Variants in TSC22D2 observed in about 807,000 individuals in gnomAD.
TSC22D2 encodes the protein TSC22 domain family protein 2.
Under a neutral mutation model 50.1 loss-of-function variants are expected in TSC22D2, and 5 were observed. That is an observed-to-expected ratio of 0.10 (90% CI 0.05 to 0.21). The LOEUF (loss-of-function observed/expected upper bound fraction) is 0.21. Ranked by LOEUF, TSC22D2 falls within the 10% of genes least tolerant of loss-of-function variation. The probability of loss-of-function intolerance (pLI) is 1.00; values close to 1 mark genes in which losing one functional copy is unlikely to be tolerated. For missense variants in TSC22D2, 1,003 were observed against 1,015.5 expected, an observed-to-expected ratio of 0.99 and a Z score of 0.17; for synonymous variants, 501 against 450.1, an observed-to-expected ratio of 1.11 and a Z score of -1.43.
chr3:150,441,609 C>T (rs547883312), intron 1 of TSC22D2, among the ~76,000 whole-genome samples: 16 of 152,178 alleles, frequency 1.1e-4, no homozygotes, highest in Non-Finnish European at 2.2e-4. Flanking sequence ...AAATAATTTG[C>T]TGGGTGTGGT....
chr3:150,411,173 T>C lies in TSC22D2; in HGVS notation c.1823T>C (p.Leu608Pro), dbSNP rs765021559. The C allele has an allele frequency of 6.2e-7, 1 of 1,614,162 alleles. No homozygotes were observed. Among genetic ancestry groups the C allele is most frequent in the South Asian group, 1.1e-5 (1 of 91,090 alleles). ...SEPLPQPPLS[L>P]IAENKPVVKP... is the part of the protein sequence containing the mutation. ...CCCCTACCTCAACCACCACTTTCTC[T>C]CATTGCTGAAAATAAGCCTGTTGTG... The change falls in exon 1 of 3, where the codon CTC (leucine) becomes CCC (proline). Residue 608 changes from leucine (L) to proline (P), a missense_variant. Leu to Pro is a moderately conservative substitution (Grantham distance 98, BLOSUM62 -3). Around this residue, in one of 6 missense-constraint regions of TSC22D2, gnomAD observed 696 missense variants for 647.8 expected, o/e 1.07. Transcript: ENST00000688009.
rs1719359449 is a variant in TSC22D2, at chr3:150,408,795, T to A, written c.-556T>A. On this transcript the variant is annotated 5_prime_UTR_variant, in exon 1 of 3. Coordinates refer to ENST00000688009, the MANE Select transcript of TSC22D2 (RefSeq NM_001303264.2). ...CCGCGGCTCCCGGCTGAATTAGGCATCTCCGACTCCGGACTCGCCGCTCCT... is the reference window on the plus strand; with the variant it reads ...CCGCGGCTCCCGGCTGAATTAGGCAACTCCGACTCCGGACTCGCCGCTCCT... 1 of 152,886 alleles carries A rather than the reference T, an allele frequency of 6.5e-6. No individual in the cohort carries two copies. Among genetic ancestry groups the A allele is most frequent in the Non-Finnish European group, 1.5e-5 (1 of 68,558 alleles). 9.5% of individuals were successfully genotyped at this position (152,886 alleles called of 1,614,324 possible).
At chr3:150,421,033 C>T (rs532726668) in intron 1 of TSC22D2, among the ~76,000 whole-genome samples, 2 of 152,210 alleles carry the variant, frequency 1.3e-5, no homozygotes, top group South Asian at 2.1e-4. Context: ...CAGTGAGCCG[C>T]GATTGTGCCA....
intron 1 of TSC22D2, among the ~76,000 whole-genome samples, chr3:150,412,307 C>A (rs1719603545): frequency 6.6e-6 from 1 of 152,072 alleles, no homozygotes; most frequent in Non-Finnish European, 1.5e-5. Context: ...TCAGGAATTT[C>A]ACAGTTAGAC....
rs370715552 is a variant in TSC22D2, at chr3:150,425,677, A to G, written c.1958+14369A>G. ...GTTGGAAATCATTTTCAGTAGGGGC[A>G]GCTTTTAAGTGCCCATTTTCAGTAG... On this transcript the variant is annotated intron_variant, in intron 1 of 2. Transcript: ENST00000688009. 1.2e-3 allele frequency among the ~76,000 whole-genome samples: 183 copies of G among 152,264 alleles called. 1 individual carries two copies. In the South Asian group the frequency reaches 0.023, roughly 19 times the overall value.
At chr3:150,430,840 G>A (rs578178747) in intron 1 of TSC22D2, among the ~76,000 whole-genome samples, 9 of 152,222 alleles carry the variant, frequency 5.9e-5, no homozygotes, top group Admixed American at 3.9e-4. Context: ...TGGTTTTAGA[G>A]ATTAGACCAT....
At chr3:150,444,918 ATAAT>A (rs59849192) in intron 1 of TSC22D2, among the ~76,000 whole-genome samples, 57,581 of 151,642 alleles carry the variant, frequency 0.38, 11,277 homozygotes, top group Middle Eastern at 0.54. Flanking sequence ...AGCTAGGGTA[ATAAT>A]TTGTTTAAAA....
rs771013204 is a variant in TSC22D2 at position 150,457,144 on chromosome 3, A to T, written c.2010+17A>T. On this transcript the variant is annotated intron_variant, in intron 2 of 2. Coordinates refer to ENST00000688009, the MANE Select transcript of TSC22D2 (RefSeq NM_001303264.2). The stretch of plus-strand genomic sequence containing the variant: ...CAAGCAATGGTAAGTAAAAGTTTAC[A>T]GTTCTCCCATTTCATAGATTGTTGG... The T allele has an allele frequency of 6.2e-7, 1 of 1,607,678 alleles. No individual in the cohort carries two copies. Among genetic ancestry groups the T allele is most frequent in the African/African-American group, 1.3e-5 (1 of 74,786 alleles).
At chr3:150,413,297 A>G (rs1469547034) in intron 1 of TSC22D2, among the ~76,000 whole-genome samples, 1 of 152,222 alleles carries the variant, frequency 6.6e-6, no homozygotes, top group Admixed American at 6.5e-5. Flanking sequence ...ACCAATTGCA[A>G]CAGTTAATTC....
In TSC22D2 at chr3:150,438,850, T is replaced by C. The variant is rs142926448; in HGVS notation, c.1959-18226T>C. 2.0e-5 allele frequency among the ~76,000 whole-genome samples: 3 copies of C among 152,326 alleles called. No homozygotes were observed. In the East Asian group the frequency reaches 5.8e-4, roughly 29 times the overall value. ...CAAGAAAATTTTTTCAATTCTTACA[T>C]TGAGAATACCTAAGATGCCAATATC... On this transcript the variant is annotated intron_variant, in intron 1 of 2. Coordinates refer to ENST00000688009, the MANE Select transcript of TSC22D2 (RefSeq NM_001303264.2).
Position 150,440,430 on chromosome 3 carries a change from T to C in TSC22D2, c.1959-16646T>C, listed in dbSNP as rs549514200. On this transcript the variant is annotated intron_variant, in intron 1 of 2. Transcript: ENST00000688009. Reference sequence around the variant, plus strand: ...AATTCTTTTTCAGGTTTAATACTTATGAATATAAGCAAATATATGTGTATT... The same window carrying C: ...AATTCTTTTTCAGGTTTAATACTTACGAATATAAGCAAATATATGTGTATT... Among the ~76,000 whole-genome samples the C allele has an allele frequency of 1.1e-4, 17 of 151,560 alleles. No homozygotes were observed. In the South Asian group the frequency reaches 1.9e-3, roughly 17 times the overall value.
At chr3:150,419,265 T>C (rs1271327888) in intron 1 of TSC22D2, among the ~76,000 whole-genome samples, 1 of 152,108 alleles carries the variant, frequency 6.6e-6, no homozygotes, top group African/African-American at 2.4e-5. Context: ...CCTAGACTCA[T>C]ATTCAGACCT....
chr3:150,419,436 GATA>G (rs1719934156), intron 1 of TSC22D2, among the ~76,000 whole-genome samples: 1 of 152,042 alleles, frequency 6.6e-6, no homozygotes, highest in Non-Finnish European at 1.5e-5. Context: ...AAATTCCCCA[GATA>G]ATAATACTGG....
At chr3:150,447,754 A>C (rs1268088832) in intron 1 of TSC22D2, among the ~76,000 whole-genome samples, 1 of 152,148 alleles carries the variant, frequency 6.6e-6, no homozygotes, top group Non-Finnish European at 1.5e-5. Flanking sequence ...TGTATGCTTC[A>C]ATTGAAACTT....
intron 1 of TSC22D2, among the ~76,000 whole-genome samples, chr3:150,415,353 C>T (rs1280152583): frequency 3.9e-5 from 6 of 152,124 alleles, no homozygotes; most frequent in African/African-American, 1.4e-4. Flanking sequence ...GTGAATAATA[C>T]AGATTTCCAG....
intron 1 of TSC22D2, chr3:150,438,129 A>C (rs1258782797): frequency 3.2e-6 from 1 of 314,578 alleles, no homozygotes; most frequent in Non-Finnish European, 7.0e-6. Flanking sequence ...GTAAAACATA[A>C]AATTTTGCTA....
At chr3:150,440,579 G>A (rs773221121) in intron 1 of TSC22D2, among the ~76,000 whole-genome samples, 2 of 151,960 alleles carry the variant, frequency 1.3e-5, no homozygotes, top group East Asian at 1.9e-4. Context: ...GCTTTGAACT[G>A]CAGATATTTC....
At chr3:150,455,377 T>C (rs1011566978) in intron 1 of TSC22D2, among the ~76,000 whole-genome samples, 2 of 152,240 alleles carry the variant, frequency 1.3e-5, no homozygotes, top group Non-Finnish European at 2.9e-5. Flanking sequence ...AAAGTATTTG[T>C]TAATGATCCA....
At position 150,465,192 on chromosome 3, in the gene TSC22D2, G is replaced by C. The variant is rs1171200613; in HGVS notation, c.*6556G>C. 1 of 152,160 alleles carries C rather than the reference G, an allele frequency of 6.6e-6. No individual in the cohort carries two copies. Among genetic ancestry groups the C allele is most frequent in the Non-Finnish European group, 1.5e-5 (1 of 68,002 alleles). 9.4% of individuals were successfully genotyped at this position (152,160 alleles called of 1,614,324 possible). A position where few individuals can be genotyped will look rare whatever the true frequency, so the allele number is the denominator to read the frequency against. ...AGATCTTTCACAAAAATTAATTCTA[G>C]CTAGACTAGCAGTTAGTCTTCTACT... On this transcript the variant is annotated 3_prime_UTR_variant, in exon 3 of 3. Coordinates refer to ENST00000688009, the MANE Select transcript of TSC22D2 (RefSeq NM_001303264.2).
Sources: gnomAD v4.1 joint callset for allele counts (sites outside exome capture counted in the v4.1 genomes callset) on GRCh38, gnomAD v4.1.1 for gene constraint, gnomAD v4.1.1 regional missense constraint, MANE v1.5 for transcripts, NCBI Gene and HGNC (gene_info 2026-07-23, HGNC 2026-07-21) for gene names.